The following MMP16 variants were observed in gnomAD, a reference collection of about 807,000 sequenced individuals.
MMP16 encodes matrix metallopeptidase 16.
A neutral mutation model predicts 67.8 loss-of-function variants in MMP16; 12 were observed. The observed-to-expected ratio is 0.18, with a 90% CI of 0.11 to 0.29. The LOEUF (loss-of-function observed/expected upper bound fraction) is 0.29, where lower values mean the gene tolerates loss of function less well. MMP16 is among the 10% of genes least tolerant of loss of function. MMP16 has a pLI of 1.00. For missense variants in MMP16, 475 were observed against 765.7 expected, an observed-to-expected ratio of 0.62 and a Z score of 4.48; for synonymous variants, 249 against 255.9, an observed-to-expected ratio of 0.97 and a Z score of 0.26.
intron 6 of MMP16, among the ~76,000 whole-genome samples, chr8:88,099,449 T>C (rs1364346009): frequency 1.3e-5 from 2 of 151,864 alleles, no homozygotes; most frequent in Non-Finnish European, 2.9e-5. Flanking sequence ...AAATTCGTCC[T>C]AAAATGTATA....
At chr8:88,114,433 TTA>T (rs1242917387) in intron 6 of MMP16, among the ~76,000 whole-genome samples, 1 of 151,982 alleles carries the variant, frequency 6.6e-6, no homozygotes, top group Non-Finnish European at 1.5e-5. Flanking sequence ...GTCATTACTT[TTA>T]CTCTTACGTA....
intron 1 of MMP16, among the ~76,000 whole-genome samples, chr8:88,257,012 C>A (rs1206852863): frequency 6.6e-6 from 1 of 152,126 alleles, no homozygotes; most frequent in Non-Finnish European, 1.5e-5. Flanking sequence ...ACAATAATGT[C>A]TTTTCTCAGC....
At chr8:88,169,981 A>G (rs927275829) in intron 3 of MMP16, among the ~76,000 whole-genome samples, 2 of 152,218 alleles carry the variant, frequency 1.3e-5, no homozygotes, top group South Asian at 4.1e-4. Flanking sequence ...GCAAGATTTG[A>G]GGCAGGAAGA....
At chr8:88,160,379 C>T (rs2129678910) in intron 4 of MMP16, among the ~76,000 whole-genome samples, 2 of 151,982 alleles carry the variant, frequency 1.3e-5, no homozygotes, top group Admixed American at 6.6e-5. Context: ...CATTGTTGGA[C>T]ATTTGGGTTG....
intron 1 of MMP16, among the ~76,000 whole-genome samples, chr8:88,295,947 A>C (rs573091352): frequency 6.6e-6 from 1 of 152,362 alleles, no homozygotes; most frequent in African/African-American, 2.4e-5. Context: ...GGGAAAAATA[A>C]GAAAAATCAA....
At chr8:88,207,254 A>C (rs1809443322) in intron 1 of MMP16, among the ~76,000 whole-genome samples, 1 of 152,194 alleles carries the variant, frequency 6.6e-6, no homozygotes, top group South Asian at 2.1e-4. Context: ...AAACACAAAG[A>C]TGCAGTGTTA....
chr8:88,183,326 T>G (rs1809011816), intron 3 of MMP16, among the ~76,000 whole-genome samples: 1 of 152,204 alleles, frequency 6.6e-6, no homozygotes, highest in Admixed American at 6.5e-5. Context: ...GGAGAGGGTA[T>G]GCAGTAACTC....
chr8:88,159,779 A>T (rs1378333459), intron 4 of MMP16, among the ~76,000 whole-genome samples: 8 of 151,940 alleles, frequency 5.3e-5, no homozygotes, highest in Non-Finnish European at 1.2e-4. Context: ...TCTCATAAAA[A>T]GCTCTTATTA....
intron 8 of MMP16, among the ~76,000 whole-genome samples, chr8:88,051,997 G>A (rs1275392707): frequency 2.6e-5 from 4 of 152,118 alleles, no homozygotes; most frequent in African/African-American, 9.7e-5. Context: ...ATTTTAATCT[G>A]AATTTACAGA....
At chr8:88,045,336 C>T (rs546338291) in intron 9 of MMP16, among the ~76,000 whole-genome samples, 28 of 151,868 alleles carry the variant, frequency 1.8e-4, no homozygotes. Flanking sequence ...ATAGAGTTTT[C>T]TTTTTCTTTC....
chr8:88,231,906 T>C (rs951260002), intron 1 of MMP16, among the ~76,000 whole-genome samples: 3 of 152,200 alleles, frequency 2.0e-5, no homozygotes, highest in Non-Finnish European at 4.4e-5. Flanking sequence ...AATGTCATAT[T>C]CCCATTCATT....
chr8:88,198,637 G>A (rs1053290890), intron 1 of MMP16, among the ~76,000 whole-genome samples: 1 of 151,866 alleles, frequency 6.6e-6, no homozygotes, highest in Non-Finnish European at 1.5e-5. Flanking sequence ...AACACAAAGT[G>A]GAATTTTTCA....
chr8:88,286,482 T>C (rs758053246), intron 1 of MMP16, among the ~76,000 whole-genome samples: 6 of 152,268 alleles, frequency 3.9e-5, no homozygotes, highest in Non-Finnish European at 5.9e-5. Flanking sequence ...ATGTTCCAAA[T>C]CAAACTCCTA....
intron 1 of MMP16, among the ~76,000 whole-genome samples, chr8:88,307,990 C>T (rs1257950595): frequency 1.3e-5 from 2 of 151,992 alleles, no homozygotes; most frequent in East Asian, 3.9e-4. Context: ...CAAAACACTA[C>T]TGAAGGGAAG....
At chr8:88,327,015 G>A in intron 1 of MMP16, 60 bp downstream of exon 1, 1 of 1,605,886 alleles carries the variant, frequency 6.2e-7, no homozygotes, top group Non-Finnish European at 8.5e-7. Flanking sequence ...AGGAGTGAAG[G>A]AAATGTTTCA....
intron 9 of MMP16, among the ~76,000 whole-genome samples, chr8:88,044,449 T>C (rs1487399013): frequency 6.6e-6 from 1 of 152,246 alleles, no homozygotes. Context: ...CTCAACAACC[T>C]AGGTTTTTTC....
At chr8:88,304,727 C>T (rs539981773) in intron 1 of MMP16, among the ~76,000 whole-genome samples, 1 of 152,182 alleles carries the variant, frequency 6.6e-6, no homozygotes, top group Non-Finnish European at 1.5e-5. Flanking sequence ...CAATAAGATT[C>T]TTTTCAGACA....
intron 7 of MMP16, among the ~76,000 whole-genome samples, chr8:88,065,939 A>G (rs2118251876): frequency 6.6e-6 from 1 of 152,244 alleles, no homozygotes; most frequent in East Asian, 1.9e-4. Context: ...CATCTTGTGT[A>G]TGCCATTTTT....
At chr8:88,308,702 C>A (rs1035285742) in intron 1 of MMP16, among the ~76,000 whole-genome samples, 3 of 152,034 alleles carry the variant, frequency 2.0e-5, no homozygotes, top group Non-Finnish European at 4.4e-5. Flanking sequence ...AAGGTGGTTT[C>A]TTTGAAAGTT....
Sources: allele counts gnomAD v4.1 joint callset (sites outside exome capture counted in the v4.1 genomes callset), GRCh38; gene constraint gnomAD v4.1.1; transcripts MANE v1.5; gene names NCBI Gene and HGNC (gene_info 2026-07-23, HGNC 2026-07-21).